CCDC167: variants seen among roughly 807,000 people sequenced by gnomAD.
CCDC167 encodes coiled-coil domain-containing protein 167.
A neutral mutation model predicts 12.7 loss-of-function variants in CCDC167; 15 were observed. The observed-to-expected ratio is 1.18, with a 90% CI of 0.79 to 1.81. CCDC167 has a LOEUF of 1.81. Ranked by LOEUF, CCDC167 falls within the 40% of genes most tolerant of loss-of-function variation. The pLI is 0.00. For missense variants in CCDC167, 121 were observed against 120.1 expected (o/e 1.01, Z -0.03); for synonymous variants, 52 against 49.0 (o/e 1.06, Z -0.26).
intron 2 of CCDC167, 53 bp from the exon 3 acceptor site, chr6:37,484,915 G>T: frequency 6.2e-7 from 1 of 1,608,248 alleles, no homozygotes; most frequent in Non-Finnish European, 8.5e-7. Flanking sequence ...TTCCCCACCC[G>T]AGGGGCAGCT....
chr6:37,496,071 G>A (rs147544271), intron 1 of CCDC167, among the ~76,000 whole-genome samples: 4 of 152,334 alleles, frequency 2.6e-5, no homozygotes, highest in African/African-American at 9.6e-5. Flanking sequence ...GTGGTATGGA[G>A]AGGGTAAAAC....
chr6:37,494,831 T>C (rs1581767737), intron 1 of CCDC167, among the ~76,000 whole-genome samples: 1 of 98,354 alleles, frequency 1.0e-5, no homozygotes, highest in African/African-American at 3.3e-5. Flanking sequence ...TGAGACGGGG[T>C]CTCTGTTGCC....
At chr6:37,493,506 C>T (rs922346486) in intron 1 of CCDC167, among the ~76,000 whole-genome samples, 2 of 152,268 alleles carry the variant, frequency 1.3e-5, no homozygotes, top group African/African-American at 4.8e-5. Context: ...AGTCTCCTGA[C>T]CCCCGTCAAG....
chr6:37,487,348 A>G (rs1761956708), intron 1 of CCDC167, among the ~76,000 whole-genome samples: 1 of 152,126 alleles, frequency 6.6e-6, no homozygotes, highest in Admixed American at 6.5e-5. Context: ...TTTTAGCCAC[A>G]ATGAGTGGAG....
At chr6:37,489,089 A>G (rs1053140571) in intron 1 of CCDC167, among the ~76,000 whole-genome samples, 2 of 152,132 alleles carry the variant, frequency 1.3e-5, no homozygotes, top group African/African-American at 4.8e-5. Flanking sequence ...TACAAAAATT[A>G]GCCAGGCGTG....
chr6:37,499,823 T>C lies in CCDC167; in HGVS notation c.41A>G (p.Glu14Gly). 6.2e-7 allele frequency: 1 copy of C among 1,614,098 alleles called. No homozygotes were observed. Among genetic ancestry groups the C allele is most frequent in the Non-Finnish European group, 8.5e-7 (1 of 1,179,998 alleles). Residue 14 changes from glutamate (E) to glycine (G), a missense_variant and splice_region_variant, in exon 1 of 4, where the codon GAG becomes GGG. Glu to Gly is a moderately conservative substitution (Grantham distance 98). Transcript: ENST00000373408. ...CCCAACCCCCACTTTTCCCCTCACC[T>C]CTAGAGCGACGCCCAGATTCTCCCG... ...KKRENLGVAL[E>G]IDGLEEKLSQ...
chr6:37,488,528 TAAG>T (rs564174938), intron 1 of CCDC167, among the ~76,000 whole-genome samples: 38 of 152,144 alleles, frequency 2.5e-4, no homozygotes, highest in African/African-American at 8.9e-4. Flanking sequence ...TAGGACCAGA[TAAG>T]GAGACAAATG....
In CCDC167 at chr6:37,485,180, C is replaced by T; in HGVS notation, c.57G>A (p.Glu19=). 6.2e-7 allele frequency: 1 copy of T among 1,613,320 alleles called. No homozygotes were observed. Among genetic ancestry groups the T allele is most frequent in the Non-Finnish European group, 8.5e-7 (1 of 1,179,870 alleles). Residue 19 remains glutamate, a synonymous_variant, in exon 2 of 4, where the codon GAG becomes GAA. Transcript: ENST00000373408. ...CTCTCCGACACTGGGACAGCTTCTCCTCTAGCCCATCGATCTGAAACAAAG... is the reference window on the plus strand; with the variant it reads ...CTCTCCGACACTGGGACAGCTTCTCTTCTAGCCCATCGATCTGAAACAAAG... ...LGVALEIDGL[E]EKLSQCRRDL...
chr6:37,494,298 G>C (rs1007413722), intron 1 of CCDC167, among the ~76,000 whole-genome samples: 1 of 152,064 alleles, frequency 6.6e-6, no homozygotes, highest in African/African-American at 2.4e-5. Context: ...CGTGACCTCA[G>C]GTGATCCGCC....
chr6:37,493,186 G>T (rs1424613544), intron 1 of CCDC167, among the ~76,000 whole-genome samples: 1 of 152,226 alleles, frequency 6.6e-6, no homozygotes, highest in Non-Finnish European at 1.5e-5. Flanking sequence ...TGCAGCCCAC[G>T]CGAGTCCCGA....
chr6:37,498,531 G>T (rs1484202487), intron 1 of CCDC167, among the ~76,000 whole-genome samples: 1 of 144,942 alleles, frequency 6.9e-6, no homozygotes, highest in Non-Finnish European at 1.5e-5. Flanking sequence ...AAAAAAAAAT[G>T]CAGATTCTGG....
chr6:37,499,708 G>C, intron 1 of CCDC167, 114 bp downstream of exon 1: 1 of 1,187,478 alleles, frequency 8.4e-7, no homozygotes, highest in Non-Finnish European at 1.2e-6. Context: ...AAACCGCGTC[G>C]CCCTCTCATC....
At chr6:37,497,396 C>T (rs1369649300) in intron 1 of CCDC167, among the ~76,000 whole-genome samples, 3 of 152,220 alleles carry the variant, frequency 2.0e-5, no homozygotes, top group African/African-American at 7.2e-5. Flanking sequence ...GGACTCACAA[C>T]CAACAGCACT....
At chr6:37,490,628 A>G (rs1762005927) in intron 1 of CCDC167, among the ~76,000 whole-genome samples, 1 of 152,056 alleles carries the variant, frequency 6.6e-6, no homozygotes, top group South Asian at 2.1e-4. Flanking sequence ...CATGAGACCA[A>G]AGGCCCTCCA....
At chr6:37,487,650 G>A (rs577989414) in intron 1 of CCDC167, among the ~76,000 whole-genome samples, 1 of 152,338 alleles carries the variant, frequency 6.6e-6, no homozygotes, top group South Asian at 2.1e-4. Flanking sequence ...AGGCTACCAA[G>A]TGCCCAAACA....
chr6:37,495,521 A>T (rs1156623740), intron 1 of CCDC167, among the ~76,000 whole-genome samples: 1 of 152,182 alleles, frequency 6.6e-6, no homozygotes, highest in Non-Finnish European at 1.5e-5. Context: ...TTCTTTTCTT[A>T]TTAAGAATGA....
At position 37,499,887 on chromosome 6, in the gene CCDC167, C is replaced by A; in HGVS notation, c.-24G>T. The A allele has an allele frequency of 6.2e-7, 1 of 1,613,904 alleles. No homozygotes were observed. Among genetic ancestry groups the A allele is most frequent in the Non-Finnish European group, 8.5e-7 (1 of 1,179,850 alleles). ...ATGTTACTTGCCGGGATCCCCCAGT[C>A]ATCACTGGACGCGCCCACCAAGTCG... On this transcript the variant is annotated 5_prime_UTR_variant, in exon 1 of 4. It removes an upstream start codon present in the reference 5' UTR. Coordinates refer to ENST00000373408, the MANE Select transcript of CCDC167 (RefSeq NM_138493.3).
intron 1 of CCDC167, among the ~76,000 whole-genome samples, chr6:37,489,206 A>G (rs1353491004): frequency 1.3e-5 from 2 of 151,394 alleles, no homozygotes; most frequent in Non-Finnish European, 2.9e-5. Flanking sequence ...ACTGCACTCC[A>G]GCCTGGGTGA....
chr6:37,493,013 A>T (rs1311429613), intron 1 of CCDC167, among the ~76,000 whole-genome samples: 2 of 152,152 alleles, frequency 1.3e-5, no homozygotes, highest in African/African-American at 4.8e-5. Context: ...CCCCACATCA[A>T]CAGGCCCTGT....
Sources: gnomAD v4.1 joint callset for allele counts (sites outside exome capture counted in the v4.1 genomes callset) on GRCh38, gnomAD v4.1.1 for gene constraint, MANE v1.5 for transcripts, NCBI Gene and HGNC (gene_info 2026-07-23, HGNC 2026-07-21) for gene names.